IMMP2L: variants seen among roughly 807,000 people sequenced by gnomAD.
IMMP2L encodes inner mitochondrial membrane peptidase subunit 2.
A neutral mutation model predicts 19.3 loss-of-function variants in IMMP2L; 18 were observed. The observed-to-expected ratio is 0.93, with a 90% CI of 0.64 to 1.38. The LOEUF is 1.38. Ranked by LOEUF, IMMP2L falls within the 40% of genes most tolerant of loss-of-function variation. IMMP2L has a pLI of 0.00. For synonymous variants in IMMP2L, 76 were observed against 73.0 expected, an observed-to-expected ratio of 1.04 and a Z score of -0.21; for missense variants, 233 against 218.2, an observed-to-expected ratio of 1.07 and a Z score of -0.43.
chr7:111,083,775 T>C (rs1796081986), intron 3 of IMMP2L, among the ~76,000 whole-genome samples: 1 of 152,222 alleles, frequency 6.6e-6, no homozygotes, highest in Non-Finnish European at 1.5e-5. Context: ...CAACAAATGC[T>C]ATTTAATATT....
chr7:111,512,294 T>G (rs1334964150), intron 2 of IMMP2L, among the ~76,000 whole-genome samples: 2 of 152,054 alleles, frequency 1.3e-5, no homozygotes, highest in African/African-American at 4.8e-5. Context: ...ATTAGTATGG[T>G]TCTATTTACA....
intron 5 of IMMP2L, among the ~76,000 whole-genome samples, chr7:110,858,727 A>G (rs1585049599): frequency 1.3e-5 from 2 of 151,916 alleles, no homozygotes; most frequent in East Asian, 1.9e-4. Flanking sequence ...AGCATTAGGT[A>G]TATCTCCTAA....
intron 3 of IMMP2L, among the ~76,000 whole-genome samples, chr7:111,336,585 A>C (rs1826429664): frequency 1.3e-5 from 2 of 151,992 alleles, no homozygotes; most frequent in Non-Finnish European, 2.9e-5. Context: ...TAGTGTTTTA[A>C]TTTCAATTAC....
At chr7:111,192,420 A>C (rs1808988000) in intron 3 of IMMP2L, among the ~76,000 whole-genome samples, 1 of 152,182 alleles carries the variant, frequency 6.6e-6, no homozygotes, top group Non-Finnish European at 1.5e-5. Context: ...CTAAAGCCCC[A>C]AATTTGTATT....
chr7:111,099,846 GGTTT>G (rs1797783412), intron 3 of IMMP2L: 1 of 151,530 alleles, frequency 6.6e-6, no homozygotes, highest in Non-Finnish European at 1.5e-5. Context: ...AAACTTTTGG[GGTTT>G]TTTTCCTGCT....
intron 5 of IMMP2L, among the ~76,000 whole-genome samples, chr7:110,874,199 T>C (rs1304699746): frequency 1.3e-5 from 2 of 152,042 alleles, no homozygotes; most frequent in East Asian, 3.9e-4. Context: ...CTCATGGCCA[T>C]TTGGGGGAAT....
chr7:111,209,943 G>A (rs867079394), intron 3 of IMMP2L, among the ~76,000 whole-genome samples: 2 of 152,248 alleles, frequency 1.3e-5, no homozygotes, highest in South Asian at 2.1e-4. Flanking sequence ...CCCTGTTCCA[G>A]TTCATGGGAG....
At chr7:111,074,686 A>G (rs1195183872) in intron 3 of IMMP2L, among the ~76,000 whole-genome samples, 1 of 152,194 alleles carries the variant, frequency 6.6e-6, no homozygotes, top group African/African-American at 2.4e-5. Flanking sequence ...TCACAATAGA[A>G]AAGGGTGACA....
intron 5 of IMMP2L, among the ~76,000 whole-genome samples, chr7:110,783,534 T>C (rs561919951): frequency 2.5e-4 from 38 of 151,760 alleles, no homozygotes; most frequent in Admixed American, 7.9e-4. Context: ...ATTTAAACAG[T>C]CTGATAATTA....
At chr7:111,514,671 T>C (rs970895747) in intron 2 of IMMP2L, among the ~76,000 whole-genome samples, 8 of 152,110 alleles carry the variant, frequency 5.3e-5, no homozygotes, top group Non-Finnish European at 1.0e-4. Flanking sequence ...AAAAAGTAGA[T>C]GGACTGGCAT....
chr7:111,481,643 C>T (rs1842200842), intron 3 of IMMP2L, among the ~76,000 whole-genome samples: 1 of 150,874 alleles, frequency 6.6e-6, no homozygotes, highest in Non-Finnish European at 1.5e-5. Context: ...TTTCTCTCTG[C>T]CTTTGGACCT....
At position 111,123,700 on chromosome 7, in the gene IMMP2L, G is replaced by C. The variant is rs1236397935; in HGVS notation, c.240-160135C>G. 6.2e-7 allele frequency: 1 copy of C among 1,613,916 alleles called. No individual in the cohort carries two copies. The highest frequency in any genetic ancestry group is 8.5e-7 in the Non-Finnish European group (1 of 1,179,952). ...TAGTCTTGCTGTGGATAACCTGCCA[G>C]ATTTAAGAAAAATAGAAGCTACTAA... On this transcript the variant is annotated intron_variant, in intron 3 of 5. Transcript: ENST00000405709. The surrounding 1 kb of genome is among the most constrained non-coding windows in gnomAD (Gnocchi z 6.4).
At chr7:110,867,109 C>T (rs1808058909) in intron 5 of IMMP2L, among the ~76,000 whole-genome samples, 1 of 151,820 alleles carries the variant, frequency 6.6e-6, no homozygotes, top group African/African-American at 2.4e-5. Flanking sequence ...TAATAAAATA[C>T]CACAGACTGG....
chr7:110,676,558 T>A (rs868517851), intron 5 of IMMP2L, among the ~76,000 whole-genome samples: 1 of 152,216 alleles, frequency 6.6e-6, no homozygotes, highest in African/African-American at 2.4e-5. Flanking sequence ...ATTTACTGAA[T>A]GAGTGAATTA....
intron 3 of IMMP2L, among the ~76,000 whole-genome samples, chr7:111,155,463 A>T (rs1366990602): frequency 6.6e-6 from 1 of 152,108 alleles, no homozygotes; most frequent in African/African-American, 2.4e-5. Context: ...GGAATAAATA[A>T]ATTGGAACAT....
intron 3 of IMMP2L, among the ~76,000 whole-genome samples, chr7:110,964,043 T>G (rs924249440): frequency 6.6e-6 from 1 of 151,818 alleles, no homozygotes; most frequent in African/African-American, 2.4e-5. Context: ...GATTTAAGAG[T>G]GTGGCACTTC....
intron 5 of IMMP2L, among the ~76,000 whole-genome samples, chr7:110,814,617 T>A (rs549751163): frequency 1.5e-4 from 23 of 150,240 alleles, no homozygotes; most frequent in African/African-American, 5.6e-4. Context: ...CTTCTATTTC[T>A]TTTATTTTAC....
At chr7:110,948,325 G>A (rs1817461971) in intron 4 of IMMP2L, among the ~76,000 whole-genome samples, 1 of 152,052 alleles carries the variant, frequency 6.6e-6, no homozygotes. Context: ...TACATACATA[G>A]GTATCACTCA....
intron 5 of IMMP2L, among the ~76,000 whole-genome samples, chr7:110,734,402 T>C (rs1456405229): frequency 6.6e-6 from 1 of 152,148 alleles, no homozygotes; most frequent in East Asian, 1.9e-4. Flanking sequence ...AAGTAAGAAC[T>C]TAACAGCAAT....
Sources: allele counts gnomAD v4.1 joint callset (sites outside exome capture counted in the v4.1 genomes callset), GRCh38; gene constraint gnomAD v4.1.1; non-coding constraint Gnocchi (gnomAD v3.1); transcripts MANE v1.5; gene names NCBI Gene and HGNC (gene_info 2026-07-23, HGNC 2026-07-21).